The following FBXO25 variants were observed in gnomAD, a reference collection of about 807,000 sequenced individuals.
The protein encoded by FBXO25 is F-box only protein 25.
A neutral mutation model predicts 51.9 loss-of-function variants in FBXO25; 45 were observed. The ratio of observed to expected loss-of-function variants is 0.87; its 90% CI spans 0.68 to 1.11. The LOEUF is 1.11. FBXO25 is among the 50% of genes most tolerant of loss of function. FBXO25 has a pLI of 0.00. For synonymous variants in FBXO25, 199 were observed against 151.0 expected (o/e 1.32, Z -2.33); for missense variants, 507 against 428.5 (o/e 1.18, Z -1.62).
At chr8:429,808 C>T (rs1797707759) in intron 2 of FBXO25, among the ~76,000 whole-genome samples, 1 of 152,242 alleles carries the variant, frequency 6.6e-6, no homozygotes, top group African/African-American at 2.4e-5. Context: ...CAGGCAGGCC[C>T]AGGAAGTGTC....
At chr8:438,953 T>G (rs1453809632) in intron 5 of FBXO25, among the ~76,000 whole-genome samples, 1 of 152,182 alleles carries the variant, frequency 6.6e-6, no homozygotes, top group Admixed American at 6.5e-5. Flanking sequence ...GGGGCTTGGT[T>G]TGTTCACTGC....
chr8:467,924 C>G (rs555134641), intron 9 of FBXO25: 8 of 1,451,102 alleles, frequency 5.5e-6, no homozygotes, highest in African/African-American at 2.8e-5. Flanking sequence ...TCAGCAAGGA[C>G]GAGAGTGTTG....
intron 2 of FBXO25, among the ~76,000 whole-genome samples, chr8:415,658 A>T (rs992318962): frequency 6.6e-6 from 1 of 152,132 alleles, no homozygotes; most frequent in Non-Finnish European, 1.5e-5. Flanking sequence ...TCACATATTG[A>T]TTGGACTAGC....
intron 5 of FBXO25, among the ~76,000 whole-genome samples, chr8:446,070 C>T (rs1298274653): frequency 6.6e-6 from 1 of 152,074 alleles, no homozygotes; most frequent in Admixed American, 6.5e-5. Context: ...TATTCCTCAT[C>T]TCTCCTGAGT....
At position 441,839 on chromosome 8, in the gene FBXO25, C is replaced by T. The variant is rs139800352; in HGVS notation, c.381+6132C>T. ...ATCTCACACCAGTTAGGATGGCTATCATTAAAAAGTCAGGAAACAACAGAT... is the reference window on the plus strand; with the variant it reads ...ATCTCACACCAGTTAGGATGGCTATTATTAAAAAGTCAGGAAACAACAGAT... On this transcript the variant is annotated intron_variant, in intron 5 of 9. Coordinates refer to ENST00000350302, the MANE Select transcript of FBXO25 (RefSeq NM_183420.2). 1.9e-3 allele frequency among the ~76,000 whole-genome samples: 288 copies of T among 152,262 alleles called. 3 individuals are homozygous for T. In the East Asian group the frequency reaches 0.044, roughly 23 times the overall value.
chr8:468,822 C>T lies in FBXO25; in HGVS notation c.*18C>T. ...AGTTTTAAGGGCTGCCCCTGCCATC[C>T]CTATTGGAGATTGTGAATCCTGCTG... On this transcript the variant is annotated 3_prime_UTR_variant, in exon 10 of 10. Transcript: ENST00000350302. The T allele has an allele frequency of 3.1e-6, 5 of 1,611,292 alleles. No individual in the cohort carries two copies. The highest frequency in any genetic ancestry group is 3.4e-6 in the Non-Finnish European group (4 of 1,178,154).
chr8:435,446 T>G lies in FBXO25; in HGVS notation c.289-169T>G, dbSNP rs537670651. On this transcript the variant is annotated intron_variant, in intron 4 of 9. Coordinates refer to ENST00000350302, the MANE Select transcript of FBXO25 (RefSeq NM_183420.2). ...GGTATACATAAACAGCTTAAATTATTAGCATTGCTATAATTTTACTATACT... is the reference window on the plus strand; with the variant it reads ...GGTATACATAAACAGCTTAAATTATGAGCATTGCTATAATTTTACTATACT... 8.2e-6 allele frequency: 7 copies of G among 849,758 alleles called. No homozygotes were observed. In the East Asian group the frequency reaches 1.7e-4, roughly 20 times the overall value. 52.6% of individuals were successfully genotyped at this position (849,758 alleles called of 1,614,324 possible).
At chr8:409,604 G>C (rs1486029358) in intron 1 of FBXO25, among the ~76,000 whole-genome samples, 2 of 152,082 alleles carry the variant, frequency 1.3e-5, no homozygotes, top group East Asian at 3.9e-4. Flanking sequence ...ATGATGAGTG[G>C]GCATAGTGTC....
chr8:430,770 G>A (rs17812912), intron 2 of FBXO25, among the ~76,000 whole-genome samples: 4 of 152,050 alleles, frequency 2.6e-5, no homozygotes, highest in Non-Finnish European at 5.9e-5. Context: ...CTTGTTTCAC[G>A]AAGAAGAAAA....
chr8:418,491 C>T, intron 2 of FBXO25, among the ~76,000 whole-genome samples: 1 of 151,610 alleles, frequency 6.6e-6, no homozygotes, highest in East Asian at 1.9e-4. Flanking sequence ...AGGCGCCCAC[C>T]ACCACACCTG....
chr8:454,898 G>GAAAAAAA (rs1475853570), intron 7 of FBXO25, among the ~76,000 whole-genome samples: 3 of 126,956 alleles, frequency 2.4e-5, no homozygotes, highest in African/African-American at 9.6e-5. Context: ...CTCAAAAAAA[G>GAAAAAAA]AAAAAGAAAA....
At chr8:467,538 T>C (rs1480697773) in intron 9 of FBXO25, among the ~76,000 whole-genome samples, 1 of 152,238 alleles carries the variant, frequency 6.6e-6, no homozygotes, top group Non-Finnish European at 1.5e-5. Flanking sequence ...TGAGAACTTG[T>C]TTGCTTTTAA....
At chr8:461,525 C>T (rs1007664405) in intron 8 of FBXO25, among the ~76,000 whole-genome samples, 2 of 152,110 alleles carry the variant, frequency 1.3e-5, no homozygotes, top group African/African-American at 4.8e-5. Flanking sequence ...AAGACTTGCC[C>T]CCATGATTCA....
In FBXO25 at chr8:471,809, G is replaced by A. The variant is rs923937335; in HGVS notation, c.*3005G>A. The A allele has an allele frequency of 5.9e-5, 9 of 152,222 alleles. No homozygotes were observed. Among genetic ancestry groups the A allele is most frequent in the Non-Finnish European group, 1.0e-4 (7 of 68,054 alleles). 9.4% of individuals were successfully genotyped at this position (152,222 alleles called of 1,614,324 possible). A position where few individuals can be genotyped will look rare whatever the true frequency, so the allele number is the denominator to read the frequency against. On this transcript the variant is annotated 3_prime_UTR_variant, in exon 10 of 10. Coordinates refer to ENST00000350302, the MANE Select transcript of FBXO25 (RefSeq NM_183420.2). ...TAGCTGTCGTGGTTTACTGCATGAC[G>A]TACAGGCTCTCTGTATGCACTGTGT...
intron 2 of FBXO25, among the ~76,000 whole-genome samples, chr8:422,433 A>G (rs774394400): frequency 2.0e-5 from 3 of 152,212 alleles, no homozygotes; most frequent in Admixed American, 2.0e-4. Context: ...ATGGGGGGCC[A>G]TGGTAGTGTG....
At chr8:466,249 G>A (rs970347078) in intron 9 of FBXO25, among the ~76,000 whole-genome samples, 5 of 152,256 alleles carry the variant, frequency 3.3e-5, no homozygotes, top group Admixed American at 2.0e-4. Flanking sequence ...GCCCAGTGTG[G>A]CTAACCAGAG....
chr8:422,378 C>T (rs1250995375), intron 2 of FBXO25, among the ~76,000 whole-genome samples: 2 of 152,142 alleles, frequency 1.3e-5, no homozygotes, highest in Non-Finnish European at 2.9e-5. Flanking sequence ...AATAATTGAC[C>T]GGTACTCTTC....
At chr8:460,298 T>C (rs1799725993) in intron 8 of FBXO25, among the ~76,000 whole-genome samples, 2 of 152,226 alleles carry the variant, frequency 1.3e-5, no homozygotes, top group Admixed American at 6.5e-5. Flanking sequence ...ATAAGTTAAA[T>C]GTCTGTTCTG....
chr8:451,385 A>ATTTGGATTTGCCGATTAGAAACTATTCTC lies in FBXO25; in HGVS notation c.593_621dup (p.Ala208PhefsTer6). 6.2e-7 allele frequency: 1 copy of ATTTGGATTTGCCGATTAGAAACTATTCTC among 1,614,048 alleles called. No individual in the cohort carries two copies. The highest frequency in any genetic ancestry group is 8.5e-7 in the Non-Finnish European group (1 of 1,179,968). On this transcript the variant is annotated frameshift_variant, in exon 7 of 10. Coordinates refer to ENST00000350302, the MANE Select transcript of FBXO25 (RefSeq NM_183420.2). LOFTEE classifies it high-confidence loss of function. ...GTCTGTATTAGTGGGAAACATCAAT[A>ATTTGGATTTGCCGATTAGAAACTATTCTC]TTTGGATTTGCCGATTAGAAACTAT...
Sources: allele counts gnomAD v4.1 joint callset (sites outside exome capture counted in the v4.1 genomes callset), GRCh38; gene constraint gnomAD v4.1.1; transcripts MANE v1.5; gene names NCBI Gene and HGNC (gene_info 2026-07-23, HGNC 2026-07-21).